LCORL: variants seen among roughly 807,000 people sequenced by gnomAD.
LCORL encodes the protein ligand dependent nuclear receptor corepressor like, also known as ligand-dependent nuclear receptor corepressor-like protein.
Under a neutral mutation model 141.8 loss-of-function variants are expected in LCORL, and 41 were observed. That is an observed-to-expected ratio of 0.29 (90% CI 0.23 to 0.38). The LOEUF (loss-of-function observed/expected upper bound fraction) is 0.38, where lower values mean the gene tolerates loss of function less well. Ranked by LOEUF, LCORL falls within the 10% of genes least tolerant of loss-of-function variation. The pLI is 1.00. For synonymous variants in LCORL, 618 were observed against 694.1 expected (o/e 0.89, Z 1.72); for missense variants, 1,759 against 2,035.0 (o/e 0.86, Z 2.61).
rs149030880 is a variant in LCORL, at chr4:17,912,648, C to T, written c.431-3303G>A. 35 of 394,814 alleles carry T rather than the reference C, an allele frequency of 8.9e-5. No homozygotes were observed. The East Asian group carries it at 1.5e-3, about 16-fold the overall frequency. The allele number at this position is 394,814 out of a possible 1,614,324, so 24.5% of individuals were successfully genotyped here. A position where few individuals can be genotyped will look rare whatever the true frequency, so the allele number is the denominator to read the frequency against. Reference sequence around the variant, plus strand: ...CTGGACTTGATGAGAAATCTGGAGGCCAGCTTGGAGAATGGCCTGAGGGAG... The same window carrying T: ...CTGGACTTGATGAGAAATCTGGAGGTCAGCTTGGAGAATGGCCTGAGGGAG... On this transcript the variant is annotated intron_variant, in intron 4 of 7. Transcript: ENST00000635767.
intron 6 of LCORL, chr4:17,880,723 G>A (rs1342027169): frequency 7.2e-6 from 7 of 970,422 alleles, no homozygotes; most frequent in East Asian, 1.1e-4. Context: ...CTAGAAACAC[G>A]TTAACTGAAC....
chr4:17,843,216 TGA>T lies in LCORL; in HGVS notation c.*2670_*2671del, dbSNP rs879022280. 3.6e-5 allele frequency: 52 copies of T among 1,426,208 alleles called. 1 individual carries two copies. In the South Asian group the frequency reaches 6.8e-4, roughly 19 times the overall value. 88.3% of individuals were successfully genotyped at this position (1,426,208 alleles called of 1,614,324 possible). ...CTATCAATTAAACACTGATAGAATG[TGA>T]GTCAGAAACAAAAAAGTTTTATTTA... On this transcript the variant is annotated 3_prime_UTR_variant, in exon 8 of 8. Transcript: ENST00000635767.
chr4:17,937,282 A>G (rs1381364984), intron 4 of LCORL, among the ~76,000 whole-genome samples: 1 of 152,206 alleles, frequency 6.6e-6, no homozygotes, highest in Non-Finnish European at 1.5e-5. Context: ...CAACTCAACG[A>G]AACAAGCTCT....
chr4:17,915,443 C>T (rs1419228538), intron 4 of LCORL, among the ~76,000 whole-genome samples: 4 of 152,102 alleles, frequency 2.6e-5, no homozygotes, highest in Non-Finnish European at 5.9e-5. Context: ...TGAAAGTAAT[C>T]TGTTATAGAG....
intron 1 of LCORL, among the ~76,000 whole-genome samples, chr4:18,016,848 C>A (rs185468233): frequency 1.3e-5 from 2 of 152,170 alleles, no homozygotes; most frequent in East Asian, 3.9e-4. Context: ...CAATCTTTGT[C>A]ATTCTGTTTT....
Position 18,021,714 on chromosome 4 carries a change from G to A in LCORL, c.38C>T (p.Ala13Val), listed in dbSNP as rs777722059. The A allele has an allele frequency of 3.3e-6, 5 of 1,526,378 alleles. No homozygotes were observed. The Admixed American group carries it at 6.4e-5, about 19-fold the overall frequency. 94.6% of individuals were successfully genotyped at this position (1,526,378 alleles called of 1,614,324 possible). A position where few individuals can be genotyped will look rare whatever the true frequency, so the allele number is the denominator to read the frequency against. ...GGCGGCGGCGGCGGCGGCAGCAGCG[G>A]CGGCGGCAGCGGCCATTCTCTCTCT... Residue 13 changes from alanine to valine, a missense_variant, in exon 1 of 8, where the codon GCC becomes GTC. This residue lies in a region of LCORL where 86 missense variants were observed against 61.8 expected (regional missense o/e 1.39). Coordinates refer to ENST00000635767, the Ensembl canonical transcript of LCORL. This position sits in a 1 kb window ranked among gnomAD's most constrained non-coding sequence, Gnocchi z 5.5.
chr4:17,854,439 G>A (rs1416931753), intron 7 of LCORL, among the ~76,000 whole-genome samples: 1 of 152,140 alleles, frequency 6.6e-6, no homozygotes, highest in East Asian at 1.9e-4. Flanking sequence ...TGGCAAATAT[G>A]TGTATGATTT....
At chr4:18,009,812 G>C (rs1723403013) in intron 1 of LCORL, among the ~76,000 whole-genome samples, 2 of 151,350 alleles carry the variant, frequency 1.3e-5, no homozygotes, top group Non-Finnish European at 2.9e-5. Flanking sequence ...CCAATGGAGA[G>C]GTGCTCCTTA....
chr4:17,984,096 T>A (rs1718512765), intron 1 of LCORL, among the ~76,000 whole-genome samples: 1 of 152,164 alleles, frequency 6.6e-6, no homozygotes, highest in Non-Finnish European at 1.5e-5. Flanking sequence ...GTTGAACCGA[T>A]CTTGCATCCC....
chr4:17,916,765 C>T (rs78401575), intron 4 of LCORL, among the ~76,000 whole-genome samples: 11,179 of 149,360 alleles, frequency 0.075, 934 homozygotes, highest in African/African-American at 0.21. Context: ...ATGTCTCCAT[C>T]TCCCGAGTAG....
chr4:18,015,814 T>TA (rs1724540399), intron 1 of LCORL, among the ~76,000 whole-genome samples: 2 of 148,564 alleles, frequency 1.3e-5, no homozygotes, highest in Non-Finnish European at 3.0e-5. Context: ...AAAAGTAAAA[T>TA]AGAGAGTAGA....
chr4:17,892,913 A>C (rs928188795), intron 5 of LCORL, among the ~76,000 whole-genome samples: 19 of 152,182 alleles, frequency 1.2e-4, no homozygotes, highest in Non-Finnish European at 2.4e-4. Flanking sequence ...TTTTAGCCAA[A>C]TATATTATTT....
chr4:17,948,684 A>T (rs1260276882), intron 4 of LCORL, among the ~76,000 whole-genome samples: 1 of 152,122 alleles, frequency 6.6e-6, no homozygotes, highest in Middle Eastern at 3.4e-3. Context: ...GGAGGCTGAG[A>T]ATTGAGCCTT....
At chr4:17,988,432 C>G (rs1404900842) in intron 1 of LCORL, among the ~76,000 whole-genome samples, 3 of 152,064 alleles carry the variant, frequency 2.0e-5, no homozygotes, top group African/African-American at 7.2e-5. Flanking sequence ...CCATGCCTGG[C>G]TTATTTTTTT....
intron 4 of LCORL, among the ~76,000 whole-genome samples, chr4:17,940,152 A>G (rs984600816): frequency 7.6e-6 from 1 of 132,192 alleles, no homozygotes; most frequent in Non-Finnish European, 1.7e-5. Flanking sequence ...ATATGTATAT[A>G]TGTATATATA....
intron 1 of LCORL, among the ~76,000 whole-genome samples, chr4:17,997,649 T>C (rs1721119425): frequency 6.6e-6 from 1 of 152,168 alleles, no homozygotes; most frequent in Non-Finnish European, 1.5e-5. Flanking sequence ...AATAAACACC[T>C]ACCTTAAACT....
intron 1 of LCORL, among the ~76,000 whole-genome samples, chr4:18,007,724 G>A (rs1342403595): frequency 6.6e-6 from 1 of 152,112 alleles, no homozygotes. Context: ...TAAAATAAAG[G>A]CAGCAATTTT....
At position 17,884,453 on chromosome 4, in the gene LCORL, C is replaced by A. The variant is rs745879765; in HGVS notation, c.776+1615G>T. ...TAGATTGAGTTTACTTTTTTCTGTGCGCTCTGCTTGAGCTCTTGCCCACAA... is the reference window on the plus strand; with the variant it reads ...TAGATTGAGTTTACTTTTTTCTGTGAGCTCTGCTTGAGCTCTTGCCCACAA... On this transcript the variant is annotated intron_variant, in intron 6 of 7. Transcript: ENST00000635767. This position sits in a 1 kb window ranked among gnomAD's most constrained non-coding sequence, Gnocchi z 4.4. The A allele has an allele frequency of 2.6e-6, 4 of 1,549,926 alleles. No individual in the cohort carries two copies. The African/African-American group carries it at 4.1e-5, about 16-fold the overall frequency.
rs756029683 is a variant in LCORL at position 17,963,085 on chromosome 4, A to C, written c.221-36T>G. ...GGGAAAAAATTCATTAAATATACTA[A>C]CTTTATTAAAACAAATAAAATTACC... On this transcript the variant is annotated intron_variant, in intron 2 of 7. Coordinates refer to ENST00000635767, the Ensembl canonical transcript of LCORL. 5 of 1,202,886 alleles carry C rather than the reference A, an allele frequency of 4.2e-6. No homozygotes were observed. The East Asian group carries it at 1.3e-4, about 30-fold the overall frequency. The allele number at this position is 1,202,886 out of a possible 1,614,324, so 74.5% of individuals were successfully genotyped here.
Sources: allele counts gnomAD v4.1 joint callset (sites outside exome capture counted in the v4.1 genomes callset), GRCh38; gene constraint gnomAD v4.1.1; regional missense constraint gnomAD v4.1.1; non-coding constraint Gnocchi (gnomAD v3.1); transcripts MANE v1.5; gene names NCBI Gene and HGNC (gene_info 2026-07-23, HGNC 2026-07-21).